Variants in WWOX observed in about 807,000 individuals in gnomAD.
WWOX encodes the protein WW domain-containing oxidoreductase.
In WWOX, 69 loss-of-function variants were observed where a neutral mutation model predicts 46.2. That is an observed-to-expected ratio of 1.49 (90% CI 1.23 to 1.82). The LOEUF (loss-of-function observed/expected upper bound fraction) is 1.82, where lower values mean the gene tolerates loss of function less well. Ranked by LOEUF, WWOX falls within the 40% of genes most tolerant of loss-of-function variation. WWOX has a pLI of 0.00. For missense variants in WWOX, 919 were observed against 542.6 expected (o/e 1.69, Z -6.89); for synonymous variants, 359 against 202.6 (o/e 1.77, Z -6.56).
At chr16:78,710,767 AC>A (rs1373450407) in intron 8 of WWOX, among the ~76,000 whole-genome samples, 4 of 150,832 alleles carry the variant, frequency 2.7e-5, no homozygotes, top group African/African-American at 9.8e-5. Context: ...GGTTCATGCT[AC>A]CGTGCCCAGC....
chr16:78,805,811 C>T (rs993021782), intron 8 of WWOX, among the ~76,000 whole-genome samples: 1 of 152,146 alleles, frequency 6.6e-6, no homozygotes, highest in Non-Finnish European at 1.5e-5. Context: ...TTTTCAGTTC[C>T]TCTCCAAACT....
chr16:79,137,491 T>A (rs1408299783), intron 8 of WWOX, among the ~76,000 whole-genome samples: 1 of 152,192 alleles, frequency 6.6e-6, no homozygotes, highest in Non-Finnish European at 1.5e-5. Context: ...TCAGGTAGTT[T>A]CCTTTCTCTC....
chr16:79,095,138 C>T (rs1206404286), intron 8 of WWOX, among the ~76,000 whole-genome samples: 1 of 152,184 alleles, frequency 6.6e-6, no homozygotes, highest in South Asian at 2.1e-4. Flanking sequence ...TTCCCAATGC[C>T]TTAGAATCTA....
chr16:78,839,383 A>C (rs1269144932), intron 8 of WWOX, among the ~76,000 whole-genome samples: 3 of 152,110 alleles, frequency 2.0e-5, no homozygotes, highest in Admixed American at 6.5e-5. Context: ...AGAGGTCCAA[A>C]GGCTTTGCTG....
chr16:78,683,281 T>TGGGTGGATTGCCTGAGCTCAGGAGGGC (rs55725404), intron 8 of WWOX, among the ~76,000 whole-genome samples: 44 of 151,356 alleles, frequency 2.9e-4, no homozygotes, highest in Non-Finnish European at 6.0e-4. Flanking sequence ...GAGGCTGAGG[T>TGGGTGGATTGCCTGAGCTCAGGAGGGC]GGGTGGATTG....
At chr16:78,845,794 A>C (rs1024288417) in intron 8 of WWOX, among the ~76,000 whole-genome samples, 4 of 152,240 alleles carry the variant, frequency 2.6e-5, no homozygotes, top group Admixed American at 6.5e-5. Context: ...AAGAAATGAC[A>C]TTATAAGCTG....
chr16:79,181,030 A>G (rs778907743), intron 8 of WWOX, among the ~76,000 whole-genome samples: 1 of 152,192 alleles, frequency 6.6e-6, no homozygotes, highest in Non-Finnish European at 1.5e-5. Context: ...AAGTTAATAC[A>G]TGCTCATTTA....
At chr16:79,204,849 T>C (rs1466538593) in intron 8 of WWOX, 1 of 152,224 alleles carries the variant, frequency 6.6e-6, no homozygotes, top group Non-Finnish European at 1.5e-5. Flanking sequence ...CCTGCTGGTC[T>C]CCAGGCTCGT....
intron 8 of WWOX, among the ~76,000 whole-genome samples, chr16:78,916,783 C>A (rs1313144811): frequency 6.6e-6 from 1 of 152,156 alleles, no homozygotes; most frequent in Non-Finnish European, 1.5e-5. Context: ...TGTTACAACC[C>A]AGGGTCAGGA....
intron 8 of WWOX, among the ~76,000 whole-genome samples, chr16:79,148,155 T>A (rs994124121): frequency 1.3e-5 from 2 of 152,208 alleles, no homozygotes; most frequent in African/African-American, 4.8e-5. Flanking sequence ...TGGGTAACCA[T>A]ATATCCCAAA....
At chr16:78,866,738 G>A (rs2044012464) in intron 8 of WWOX, among the ~76,000 whole-genome samples, 1 of 152,198 alleles carries the variant, frequency 6.6e-6, no homozygotes, top group Admixed American at 6.5e-5. Context: ...AACCAGGAAT[G>A]CACTGTTTCC....
chr16:78,251,902 C>T (rs1281105611), intron 5 of WWOX, among the ~76,000 whole-genome samples: 1 of 152,180 alleles, frequency 6.6e-6, no homozygotes, highest in African/African-American at 2.4e-5. Flanking sequence ...CTATCTCTTC[C>T]CTCCATTAGC....
intron 6 of WWOX, among the ~76,000 whole-genome samples, chr16:78,397,120 C>G (rs538643295): frequency 6.6e-6 from 1 of 152,260 alleles, no homozygotes; most frequent in South Asian, 2.1e-4. Flanking sequence ...AGAAACTCCC[C>G]CATGATATTT....
intron 6 of WWOX, among the ~76,000 whole-genome samples, chr16:78,406,305 T>TATAA (rs1555533270): frequency 0.02 from 165 of 8,100 alleles, no homozygotes; most frequent in South Asian, 0.025. Flanking sequence ...TAAATATAAA[T>TATAA]ATATATATAT....
chr16:78,318,272 A>ATTTTTTTTTTTTTT lies in WWOX; in HGVS notation c.517-68584_517-68571dup, dbSNP rs34730954. On this transcript the variant is annotated intron_variant, in intron 5 of 8. Coordinates refer to ENST00000566780, the MANE Select transcript of WWOX (RefSeq NM_016373.4). The stretch of plus-strand genomic sequence containing the variant: ...CTTAGGAGCCCTCCGTCTGGGAGGA[A>ATTTTTTTTTTTTTT]TTTTTTTTTTTTTTTTTGGTATATC... Among the ~76,000 whole-genome samples the ATTTTTTTTTTTTTT allele has an allele frequency of 1.2e-3, 143 of 123,518 alleles. 4 individuals are homozygous for ATTTTTTTTTTTTTT. Among genetic ancestry groups the ATTTTTTTTTTTTTT allele is most frequent in the African/African-American group, 4.2e-3 (131 of 31,202 alleles). The allele number at this position is 123,518 out of a possible 152,430, so 81.0% of individuals were successfully genotyped here.
intron 5 of WWOX, among the ~76,000 whole-genome samples, chr16:78,184,389 C>A (rs369302194): frequency 6.6e-6 from 1 of 152,114 alleles, no homozygotes; most frequent in Non-Finnish European, 1.5e-5. Context: ...TCATCATGCT[C>A]ACATTCACCT....
chr16:78,609,219 C>T (rs187284707), intron 8 of WWOX, among the ~76,000 whole-genome samples: 26 of 152,260 alleles, frequency 1.7e-4, no homozygotes, highest in Admixed American at 1.6e-3. Context: ...ATCATTGTTT[C>T]CTGACAGGTT....
intron 8 of WWOX, among the ~76,000 whole-genome samples, chr16:78,769,671 G>C (rs1327265878): frequency 6.6e-6 from 1 of 151,006 alleles, no homozygotes; most frequent in Non-Finnish European, 1.5e-5. Flanking sequence ...TTAATATTAA[G>C]AATTATTAGC....
chr16:78,181,654 T>C (rs947536166), intron 5 of WWOX, among the ~76,000 whole-genome samples: 1 of 152,204 alleles, frequency 6.6e-6, no homozygotes, highest in Non-Finnish European at 1.5e-5. Context: ...CTGGGGTTAC[T>C]TAATACCAGA....
Sources: gnomAD v4.1 joint callset for allele counts (sites outside exome capture counted in the v4.1 genomes callset) on GRCh38, gnomAD v4.1.1 for gene constraint, MANE v1.5 for transcripts, NCBI Gene and HGNC (gene_info 2026-07-23, HGNC 2026-07-21) for gene names.